RBFOX1: variants seen among roughly 807,000 people sequenced by gnomAD.
RBFOX1 encodes RNA binding fox-1 homolog 1, also known as RNA binding protein fox-1 homolog 1.
Under a neutral mutation model 57.7 loss-of-function variants are expected in RBFOX1, and 8 were observed. The ratio of observed to expected loss-of-function variants is 0.14; its 90% CI spans 0.08 to 0.25. The LOEUF is 0.25. Ranked by LOEUF, RBFOX1 falls within the 10% of genes least tolerant of loss-of-function variation. The pLI, the probability that RBFOX1 is intolerant of heterozygous loss-of-function variation, is 1.00. For missense variants in RBFOX1, 611 were observed against 548.5 expected (o/e 1.11, Z -1.14); for synonymous variants, 326 against 222.4 (o/e 1.47, Z -4.15).
chr16:6,707,185 A>G (rs1449038707), intron 3 of RBFOX1, among the ~76,000 whole-genome samples: 1 of 152,150 alleles, frequency 6.6e-6, no homozygotes, highest in Non-Finnish European at 1.5e-5. Flanking sequence ...TTTTGTTAAC[A>G]TGTCGTTTGA....
At chr16:7,182,502 G>C (rs1213501354) in intron 4 of RBFOX1, among the ~76,000 whole-genome samples, 1 of 152,126 alleles carries the variant, frequency 6.6e-6, no homozygotes, top group African/African-American at 2.4e-5. Context: ...CCATTTTCTA[G>C]ATATTTTATG....
intron 2 of RBFOX1, among the ~76,000 whole-genome samples, chr16:6,333,981 C>CT (rs1372324363): frequency 1.3e-5 from 2 of 152,000 alleles, no homozygotes; most frequent in Admixed American, 1.3e-4. Flanking sequence ...AAAATTATTT[C>CT]TTTTTTGGTG....
intron 3 of RBFOX1, among the ~76,000 whole-genome samples, chr16:5,842,614 T>G (rs1187717779): frequency 6.6e-6 from 1 of 152,188 alleles, no homozygotes; most frequent in Non-Finnish European, 1.5e-5. Flanking sequence ...CTCTAGGTGC[T>G]GGGGATATTT....
intron 4 of RBFOX1, among the ~76,000 whole-genome samples, chr16:7,068,503 A>AC (rs2056636520): frequency 6.6e-6 from 1 of 152,102 alleles, no homozygotes; most frequent in Non-Finnish European, 1.5e-5. Flanking sequence ...TCATTGCTTC[A>AC]CCATTTAAGT....
chr16:6,341,251 G>A (rs921096062), intron 2 of RBFOX1, among the ~76,000 whole-genome samples: 1 of 152,158 alleles, frequency 6.6e-6, no homozygotes. Context: ...ACTAGAGGCT[G>A]CCTACATTCC....
intron 1 of RBFOX1, among the ~76,000 whole-genome samples, chr16:6,220,214 A>C (rs144668389): frequency 6.6e-6 from 1 of 152,118 alleles, no homozygotes; most frequent in African/African-American, 2.4e-5. Context: ...ATGTATATAT[A>C]CATTCATCTA....
rs977065364 is a variant in RBFOX1 at position 6,459,810 on chromosome 16, C to T, written c.-64+142753C>T. Among the ~76,000 whole-genome samples, 8 of 151,516 alleles carry T rather than the reference C, an allele frequency of 5.3e-5. 1 individual carries two copies. The highest frequency in any genetic ancestry group is 6.8e-3 in the Middle Eastern group (2 of 292). On this transcript the variant is annotated intron_variant, in intron 2 of 15. Transcript: ENST00000550418. Reference sequence around the variant, plus strand: ...TGGCCAACATGGAGAAACTGAGAAACCCTGTCTCTACATAAGATACAAAAT... The same window carrying T: ...TGGCCAACATGGAGAAACTGAGAAATCCTGTCTCTACATAAGATACAAAAT...
intron 3 of RBFOX1, among the ~76,000 whole-genome samples, chr16:6,834,919 G>A (rs1344123306): frequency 7.5e-6 from 1 of 133,758 alleles, no homozygotes; most frequent in East Asian, 2.3e-4. Flanking sequence ...TTGAGATGGT[G>A]TCTCGCTCTG....
Position 6,908,959 on chromosome 16 carries a change from C to T in RBFOX1, c.-15-143098C>T, listed in dbSNP as rs1489459583. 5.9e-5 allele frequency among the ~76,000 whole-genome samples: 9 copies of T among 152,290 alleles called. No homozygotes were observed. In the South Asian group the frequency reaches 6.2e-4, roughly 11 times the overall value. On this transcript the variant is annotated intron_variant, in intron 3 of 15. Transcript: ENST00000550418. Reference sequence around the variant, plus strand: ...GCATAATCTGTGCTTCCCCCCAACACGCTCTCTCTGGGGGCTCCGTTCTTC... The same window carrying T: ...GCATAATCTGTGCTTCCCCCCAACATGCTCTCTCTGGGGGCTCCGTTCTTC...
At chr16:6,255,497 G>A (rs182262284) in intron 1 of RBFOX1, among the ~76,000 whole-genome samples, 98 of 152,202 alleles carry the variant, frequency 6.4e-4, no homozygotes, top group African/African-American at 2.2e-3. Context: ...CATGCATGGT[G>A]ATTTTGACTA....
At chr16:6,115,535 T>C (rs780727602) in intron 1 of RBFOX1, among the ~76,000 whole-genome samples, 4 of 152,174 alleles carry the variant, frequency 2.6e-5, no homozygotes, top group Non-Finnish European at 5.9e-5. Flanking sequence ...CTTGTCTGCA[T>C]AACGTCTGTT....
At chr16:6,914,049 T>C (rs1457405050) in intron 3 of RBFOX1, among the ~76,000 whole-genome samples, 4 of 152,222 alleles carry the variant, frequency 2.6e-5, no homozygotes, top group Non-Finnish European at 4.4e-5. Context: ...AGTGTTGCAT[T>C]CTGGGTTAGA....
chr16:6,000,596 G>A, intron 4 of RBFOX1, among the ~76,000 whole-genome samples: 1 of 152,086 alleles, frequency 6.6e-6, no homozygotes, highest in Non-Finnish European at 1.5e-5. Flanking sequence ...AACAGTGCCA[G>A]GAAATAGAAT....
intron 3 of RBFOX1, among the ~76,000 whole-genome samples, chr16:7,011,511 G>A (rs1191091802): frequency 6.6e-6 from 1 of 151,496 alleles, no homozygotes; most frequent in Admixed American, 6.6e-5. Flanking sequence ...CGTTTGTTTT[G>A]TTTTGTTTTG....
intron 5 of RBFOX1, among the ~76,000 whole-genome samples, chr16:7,574,748 C>A (rs956474002): frequency 6.6e-6 from 1 of 152,126 alleles, no homozygotes; most frequent in Non-Finnish European, 1.5e-5. Flanking sequence ...ACACCCAGGA[C>A]CAATACTTTG....
intron 2 of RBFOX1, among the ~76,000 whole-genome samples, chr16:6,513,677 T>A (rs531056296): frequency 6.6e-6 from 1 of 152,214 alleles, no homozygotes; most frequent in South Asian, 2.1e-4. Flanking sequence ...GAGGTTGTAG[T>A]GAGCCGAAAT....
intron 4 of RBFOX1, among the ~76,000 whole-genome samples, chr16:7,480,571 AT>A (rs1386368437): frequency 2.8e-4 from 42 of 152,342 alleles, no homozygotes; most frequent in African/African-American, 9.1e-4. Context: ...CCCTGTCTCC[AT>A]CACCTCCTTT....
At chr16:6,880,232 A>C (rs2062660176) in intron 3 of RBFOX1, among the ~76,000 whole-genome samples, 1 of 152,216 alleles carries the variant, frequency 6.6e-6, no homozygotes, top group Non-Finnish European at 1.5e-5. Flanking sequence ...GGGGGGTAGC[A>C]ACATGACAAG....
At chr16:6,721,081 T>G (rs1308225144) in intron 3 of RBFOX1, among the ~76,000 whole-genome samples, 1 of 152,204 alleles carries the variant, frequency 6.6e-6, no homozygotes, top group Non-Finnish European at 1.5e-5. Context: ...CCTCTTCTGA[T>G]AGCTCAGTGT....
Sources: gnomAD v4.1 joint callset for allele counts (sites outside exome capture counted in the v4.1 genomes callset) on GRCh38, gnomAD v4.1.1 for gene constraint, MANE v1.5 for transcripts, NCBI Gene and HGNC (gene_info 2026-07-23, HGNC 2026-07-21) for gene names.